Variants in GON4L observed in about 807,000 individuals in gnomAD.
The protein encoded by GON4L is gon-4 like, also known as GON-4-like protein.
A neutral mutation model predicts 211.8 loss-of-function variants in GON4L; 87 were observed. The ratio of observed to expected loss-of-function variants is 0.41; its 90% CI spans 0.35 to 0.49. The LOEUF (loss-of-function observed/expected upper bound fraction) is 0.49. Among genes scored for constraint, GON4L ranks in the 20% least tolerant of loss-of-function variants. The probability of loss-of-function intolerance (pLI) is 0.15; values close to 1 mark genes in which losing one functional copy is unlikely to be tolerated. For synonymous variants in GON4L, 875 were observed against 962.6 expected, an observed-to-expected ratio of 0.91 and a Z score of 1.68; for missense variants, 2,155 against 2,659.5, an observed-to-expected ratio of 0.81 and a Z score of 4.17.
chr1:155,753,339 G>A lies in GON4L; in HGVS notation c.5707C>T (p.Pro1903Ser). Reference sequence around the variant, plus strand: ...CCAGCTTCCTTAGCACCAGGCATAGGACTAGCCTCTCGGTGGGGGCTGCTG... The same window carrying A: ...CCAGCTTCCTTAGCACCAGGCATAGAACTAGCCTCTCGGTGGGGGCTGCTG... ...VGSSPHREAS[P>S]MPGAKEAGQG... Residue 1903 changes from proline (P) to serine (S), a missense_variant, in exon 29 of 32, where the codon CCT (proline) becomes TCT (serine). Physicochemically the swap from Pro to Ser is moderately conservative, Grantham distance 74. This residue lies in a region of GON4L where 455 missense variants were observed against 504.6 expected (regional missense o/e 0.90). Transcript: ENST00000368331. The A allele has an allele frequency of 6.2e-7, 1 of 1,613,544 alleles. No homozygotes were observed.
intron 31 of GON4L, among the ~76,000 whole-genome samples, chr1:155,751,203 C>CCAAAAAA (rs1260742361): frequency 3.9e-5 from 6 of 152,072 alleles, no homozygotes; most frequent in Non-Finnish European, 7.4e-5. Flanking sequence ...AATGTTTTGC[C>CCAAAAAA]CAAAGTCACA....
At chr1:155,785,434 T>C in intron 12 of GON4L, 60 bp from the exon 13 acceptor site, 1 of 1,142,412 alleles carries the variant, frequency 8.8e-7, no homozygotes, top group Non-Finnish European at 1.3e-6. Context: ...TAAGGAGGAA[T>C]TCCATGAAGA....
At chr1:155,851,793 C>G (rs1671820315) in intron 2 of GON4L, among the ~76,000 whole-genome samples, 1 of 152,092 alleles carries the variant, frequency 6.6e-6, no homozygotes, top group Admixed American at 6.6e-5. Context: ...AAATGACTAT[C>G]ACCTACCTAC....
chr1:155,828,077 G>A (rs1427125692), intron 2 of GON4L, among the ~76,000 whole-genome samples: 1 of 151,780 alleles, frequency 6.6e-6, no homozygotes, highest in Non-Finnish European at 1.5e-5. Context: ...AGAATCACTT[G>A]GACCCTGGAG....
chr1:155,768,704 C>T (rs1453597212), intron 19 of GON4L, among the ~76,000 whole-genome samples: 1 of 151,910 alleles, frequency 6.6e-6, no homozygotes, highest in East Asian at 1.9e-4. Flanking sequence ...CTTGGCCTCC[C>T]AAAGTGCTGG....
chr1:155,815,194 A>T (rs1394147327), intron 8 of GON4L, among the ~76,000 whole-genome samples: 1 of 152,228 alleles, frequency 6.6e-6, no homozygotes, highest in African/African-American at 2.4e-5. Flanking sequence ...ATCCTTTTAC[A>T]AAACAATTCA....
At chr1:155,761,339 G>A (rs1661780449) in intron 23 of GON4L, among the ~76,000 whole-genome samples, 1 of 150,730 alleles carries the variant, frequency 6.6e-6, no homozygotes, top group African/African-American at 2.5e-5. Flanking sequence ...GCACCACCAT[G>A]CTTAGCTCAC....
At chr1:155,762,126 T>C in intron 23 of GON4L, 64 bp downstream of exon 23, 1 of 1,272,402 alleles carries the variant, frequency 7.9e-7, no homozygotes, top group Non-Finnish European at 1.1e-6. Context: ...TTGAAAAACA[T>C]CTCCCTTGAA....
In GON4L at chr1:155,825,908, T is replaced by C. The variant is rs565969544; in HGVS notation, c.697+929A>G. 6.3e-4 allele frequency among the ~76,000 whole-genome samples: 96 copies of C among 152,050 alleles called. 1 individual carries two copies. The highest frequency in any genetic ancestry group is 2.3e-3 in the African/African-American group (95 of 41,474). On this transcript the variant is annotated intron_variant, in intron 3 of 31. Transcript: ENST00000368331. ...AAATACAAAAATTAGCTGGGCATGA[T>C]GGCAGGTGCCTGTAATCCCAGCTAC...
intron 10 of GON4L, among the ~76,000 whole-genome samples, chr1:155,811,391 C>CAAA (rs777417019): frequency 0.026 from 849 of 33,130 alleles, 193 homozygotes; most frequent in African/African-American, 0.057. Context: ...GACTCCGTCT[C>CAAA]AAAAAAAAAA....
At chr1:155,756,092 G>A (rs1661152304) in intron 27 of GON4L, among the ~76,000 whole-genome samples, 1 of 151,932 alleles carries the variant, frequency 6.6e-6, no homozygotes, top group African/African-American at 2.4e-5. Flanking sequence ...ATGAGACCCT[G>A]ACAACAGCCT....
chr1:155,821,613 C>T (rs1007564071), intron 4 of GON4L, 65 bp from the exon 5 acceptor site: 14 of 898,120 alleles, frequency 1.6e-5, no homozygotes, highest in Admixed American at 3.4e-5. Context: ...ACTCATCTCT[C>T]CATGTAACTG....
intron 11 of GON4L, among the ~76,000 whole-genome samples, chr1:155,798,543 G>A (rs898949707): frequency 6.8e-6 from 1 of 147,068 alleles, no homozygotes; most frequent in African/African-American, 2.5e-5. Context: ...CCAAGTAGCT[G>A]GGACTACAGG....
chr1:155,835,359 A>C (rs1419905017), intron 2 of GON4L, among the ~76,000 whole-genome samples: 1 of 151,556 alleles, frequency 6.6e-6, no homozygotes, highest in Non-Finnish European at 1.5e-5. Context: ...GCCTAGGAAA[A>C]CCAGAGACCT....
intron 14 of GON4L, among the ~76,000 whole-genome samples, chr1:155,778,371 C>T (rs918297616): frequency 3.3e-5 from 5 of 152,162 alleles, no homozygotes; most frequent in African/African-American, 1.2e-4. Flanking sequence ...CCTGCCTCAC[C>T]CTCCCAAGTA....
Position 155,784,358 on chromosome 1 carries a change from CTTTTTTTTTTTTTTTTTTT to C in GON4L, c.1789-288_1789-270del, listed in dbSNP as rs869034483. 7.9e-3 allele frequency: 820 copies of C among 104,076 alleles called. 13 individuals carry two copies. In the East Asian group the frequency reaches 0.08, roughly 10 times the overall value. The allele number at this position is 104,076 out of a possible 1,614,324, so 6.4% of individuals were successfully genotyped here. ...ACTCAAAATTATCAATCTCTCTCTC[CTTTTTTTTTTTTTTTTTTT>C]TTTTTTTTTTTTTTTTTTGAGACAG... is the stretch of plus-strand genomic sequence containing the variant. On this transcript the variant is annotated intron_variant, in intron 13 of 31. Coordinates refer to ENST00000368331, the MANE Select transcript of GON4L (RefSeq NM_001282860.2).
At chr1:155,771,642 T>A (rs934428855) in intron 18 of GON4L, among the ~76,000 whole-genome samples, 1 of 152,116 alleles carries the variant, frequency 6.6e-6, no homozygotes, top group African/African-American at 2.4e-5. Context: ...CGGGCTAATT[T>A]TTTTCTTCCA....
chr1:155,762,306 C>T lies in GON4L; in HGVS notation c.4795G>A (p.Ala1599Thr). ...HRARNKRGSRARASKDTSKLL... is the reference protein window; with the variant it reads ...HRARNKRGSRTRASKDTSKLL... ...TTGGAGGTGTCCTTGCTGGCCCGAG[C>T]CCGACTTCCCCGCTTGTTGCGAGCT... The change falls in exon 23 of 32, where the codon GCT becomes ACT. Residue 1599 changes from alanine (A) to threonine (T), a missense_variant. Transcript: ENST00000368331. 1 of 1,613,714 alleles carries T rather than the reference C, an allele frequency of 6.2e-7. No homozygotes were observed. The highest frequency in any genetic ancestry group is 8.5e-7 in the Non-Finnish European group (1 of 1,179,768).
At chr1:155,849,364 G>A (rs1445756666) in intron 2 of GON4L, among the ~76,000 whole-genome samples, 1 of 151,696 alleles carries the variant, frequency 6.6e-6, no homozygotes, top group Non-Finnish European at 1.5e-5. Flanking sequence ...CTAACATGGT[G>A]AAACCCTGCC....
Sources: allele counts gnomAD v4.1 joint callset (sites outside exome capture counted in the v4.1 genomes callset), GRCh38; gene constraint gnomAD v4.1.1; regional missense constraint gnomAD v4.1.1; transcripts MANE v1.5; gene names NCBI Gene and HGNC (gene_info 2026-07-23, HGNC 2026-07-21).